The following NPAS3 variants were observed in gnomAD, a reference collection of about 807,000 sequenced individuals.
NPAS3 encodes the protein neuronal PAS domain protein 3.
Under a neutral mutation model 73.1 loss-of-function variants are expected in NPAS3, and 14 were observed. That is an observed-to-expected ratio of 0.19 (90% CI 0.13 to 0.30). The LOEUF (loss-of-function observed/expected upper bound fraction) is 0.30, where lower values mean the gene tolerates loss of function less well. Ranked by LOEUF, NPAS3 falls within the 10% of genes least tolerant of loss-of-function variation. The pLI is 1.00. For missense variants in NPAS3, 1,096 were observed against 1,250.0 expected, an observed-to-expected ratio of 0.88 and a Z score of 1.86; for synonymous variants, 620 against 541.5, an observed-to-expected ratio of 1.14 and a Z score of -2.01.
chr14:33,606,065 CTTTCT>C (rs1451574163), intron 5 of NPAS3, among the ~76,000 whole-genome samples: 2 of 140,206 alleles, frequency 1.4e-5, no homozygotes, highest in Non-Finnish European at 3.0e-5. Context: ...AGGCAGCTGA[CTTTCT>C]TTTATTATTA....
intron 4 of NPAS3, among the ~76,000 whole-genome samples, chr14:33,481,278 A>G (rs1390209910): frequency 1.3e-5 from 2 of 152,178 alleles, no homozygotes; most frequent in African/African-American, 4.8e-5. Flanking sequence ...GTTCATTGCA[A>G]ACGTCACAAA....
chr14:33,368,495 G>C (rs1214954458), intron 4 of NPAS3, among the ~76,000 whole-genome samples: 1 of 152,072 alleles, frequency 6.6e-6, no homozygotes, highest in Non-Finnish European at 1.5e-5. Context: ...GTTTTTAACA[G>C]TCTCCTGAGA....
At chr14:33,262,290 C>T (rs2049001844) in intron 3 of NPAS3, among the ~76,000 whole-genome samples, 1 of 152,160 alleles carries the variant, frequency 6.6e-6, no homozygotes, top group African/African-American at 2.4e-5. Context: ...ATTTTAAAGA[C>T]ACATTGTGCA....
At chr14:33,484,293 G>C (rs1439170697) in intron 4 of NPAS3, among the ~76,000 whole-genome samples, 1 of 152,092 alleles carries the variant, frequency 6.6e-6, no homozygotes, top group African/African-American at 2.4e-5. Flanking sequence ...CTATGAGGGT[G>C]GGCCCTTGTC....
chr14:33,651,037 G>A (rs760254932), intron 5 of NPAS3, among the ~76,000 whole-genome samples: 8 of 152,240 alleles, frequency 5.3e-5, no homozygotes, highest in Non-Finnish European at 8.8e-5. Flanking sequence ...GGGAAGAAAG[G>A]AGCCAGACAA....
At chr14:33,731,469 T>C (rs1236518413) in intron 6 of NPAS3, among the ~76,000 whole-genome samples, 2 of 151,100 alleles carry the variant, frequency 1.3e-5, no homozygotes, top group Non-Finnish European at 1.5e-5. Flanking sequence ...AAGGCCCTTT[T>C]TAAAGGCATT....
chr14:33,620,130 T>G (rs769022122), intron 5 of NPAS3, among the ~76,000 whole-genome samples: 3 of 152,226 alleles, frequency 2.0e-5, no homozygotes, highest in African/African-American at 7.2e-5. Flanking sequence ...CTGGCCATGC[T>G]CCTGTGGTGA....
chr14:33,778,644 G>A, intron 9 of NPAS3, 72 bp downstream of exon 9: 1 of 1,008,132 alleles, frequency 9.9e-7, no homozygotes, highest in Non-Finnish European at 1.6e-6. Context: ...TGGTTTCAGT[G>A]CTGATTTTTC....
chr14:33,721,250 CT>C (rs1180079944), intron 6 of NPAS3, among the ~76,000 whole-genome samples: 2 of 152,124 alleles, frequency 1.3e-5, no homozygotes, highest in Non-Finnish European at 2.9e-5. Flanking sequence ...ACACTGCTAT[CT>C]TACCTGGTCG....
At chr14:33,338,433 T>A (rs1335393299) in intron 3 of NPAS3, among the ~76,000 whole-genome samples, 2 of 152,188 alleles carry the variant, frequency 1.3e-5, no homozygotes, top group Non-Finnish European at 2.9e-5. Flanking sequence ...CTTTTAGGTG[T>A]GTTTTGGTAT....
intron 3 of NPAS3, among the ~76,000 whole-genome samples, chr14:33,355,449 C>T (rs973642707): frequency 2.6e-5 from 4 of 152,120 alleles, no homozygotes; most frequent in African/African-American, 9.7e-5. Context: ...TACAGGCACG[C>T]ACCATCATGC....
chr14:33,684,702 C>T (rs1595435905), intron 6 of NPAS3, among the ~76,000 whole-genome samples: 1 of 152,340 alleles, frequency 6.6e-6, no homozygotes, highest in East Asian at 1.9e-4. Context: ...ACTTGGTCTG[C>T]ATCAGCCATA....
At chr14:33,288,163 T>A (rs1452099332) in intron 3 of NPAS3, among the ~76,000 whole-genome samples, 1 of 152,176 alleles carries the variant, frequency 6.6e-6, no homozygotes, top group East Asian at 1.9e-4. Flanking sequence ...CATGGGTCGA[T>A]GTGGGAGGGC....
chr14:33,655,718 G>T (rs2059126546), intron 5 of NPAS3, among the ~76,000 whole-genome samples: 3 of 151,984 alleles, frequency 2.0e-5, no homozygotes, highest in South Asian at 2.1e-4. Flanking sequence ...GTTGTTTTGG[G>T]TTTTTTGTTT....
At chr14:33,212,736 T>G (rs536500131) in intron 2 of NPAS3, among the ~76,000 whole-genome samples, 2 of 152,342 alleles carry the variant, frequency 1.3e-5, no homozygotes, top group South Asian at 4.1e-4. Flanking sequence ...GAATAATTGC[T>G]TAATCTTCTA....
In NPAS3 at chr14:33,198,094, C is replaced by T. The variant is rs141949546; in HGVS notation, c.141-17088C>T. Among the ~76,000 whole-genome samples the T allele has an allele frequency of 5.5e-3, 833 of 152,218 alleles. 5 individuals are homozygous for T. Among genetic ancestry groups the T allele is most frequent in the African/African-American group, 0.019 (780 of 41,558 alleles). ...TCCCGTCCAGAGTTGTTCATTCCTCCCAGTGGGGGGTTCGTGATCTCACTG... is the reference window on the plus strand; with the variant it reads ...TCCCGTCCAGAGTTGTTCATTCCTCTCAGTGGGGGGTTCGTGATCTCACTG... On this transcript the variant is annotated intron_variant, in intron 2 of 11. Transcript: ENST00000356141.
intron 3 of NPAS3, among the ~76,000 whole-genome samples, chr14:33,263,598 TG>T (rs1265314747): frequency 2.0e-5 from 3 of 152,160 alleles, no homozygotes; most frequent in African/African-American, 7.2e-5. Flanking sequence ...GACTTGGCAA[TG>T]CAGGCTCTTT....
chr14:32,936,930 CTTTT>C (rs35877969), upstream of NPAS3, among the ~76,000 whole-genome samples: 59 of 139,780 alleles, frequency 4.2e-4, 1 homozygote, highest in African/African-American at 1.5e-3. Context: ...AAGACTAAGG[CTTTT>C]TTTTTTTTTT....
At chr14:33,697,520 C>A (rs1241981443) in intron 6 of NPAS3, among the ~76,000 whole-genome samples, 3 of 152,116 alleles carry the variant, frequency 2.0e-5, no homozygotes, top group African/African-American at 7.2e-5. Context: ...GGCAGTGATA[C>A]AAATAAGAGT....
Sources: allele counts gnomAD v4.1 joint callset (sites outside exome capture counted in the v4.1 genomes callset), GRCh38; gene constraint gnomAD v4.1.1; transcripts MANE v1.5; gene names NCBI Gene and HGNC (gene_info 2026-07-23, HGNC 2026-07-21).